MAP4: variants seen among roughly 807,000 people sequenced by gnomAD.
MAP4 encodes microtubule associated protein 4, also known as microtubule-associated protein 4.
MAP4 carries 76 observed loss-of-function variants against 170.2 expected under a neutral mutation model. That is an observed-to-expected ratio of 0.45 (90% confidence interval 0.37 to 0.54). The LOEUF (loss-of-function observed/expected upper bound fraction) is 0.54. MAP4 is among the 20% of genes least tolerant of loss of function. The pLI, the probability that MAP4 is intolerant of heterozygous loss-of-function variation, is 0.00. For synonymous variants in MAP4, 909 were observed against 994.5 expected (o/e 0.91, Z 1.62); for missense variants, 2,506 against 2,748.0 (o/e 0.91, Z 1.97).
At chr3:47,941,825 C>G (rs1288238653) in intron 3 of MAP4, among the ~76,000 whole-genome samples, 1 of 150,356 alleles carries the variant, frequency 6.7e-6, no homozygotes, top group African/African-American at 2.4e-5. Flanking sequence ...TACCACTGTT[C>G]TTACTAATCT....
chr3:48,006,606 CA>C (rs1392150374), intron 1 of MAP4, among the ~76,000 whole-genome samples: 1 of 152,110 alleles, frequency 6.6e-6, no homozygotes, highest in Non-Finnish European at 1.5e-5. Context: ...TGGGAAAGGC[CA>C]AATAGAAGCC....
Position 47,910,403 on chromosome 3 carries a change from C to A in MAP4, c.4018G>T (p.Val1340Leu). The A allele has an allele frequency of 6.5e-7, 1 of 1,536,734 alleles. No homozygotes were observed. Among genetic ancestry groups the A allele is most frequent in the African/African-American group, 1.4e-5 (1 of 73,156 alleles). The change falls in exon 9 of 21, where the codon GTA becomes TTA. Residue 1340 changes from valine to leucine, a missense_variant. Val to Leu is a conservative substitution (Grantham distance 32). This residue lies in a region of MAP4 where 2,008 missense variants were observed against 2,206.0 expected (regional missense o/e 0.91). Coordinates refer to ENST00000683076, the MANE Select transcript of MAP4 (RefSeq NM_001385682.1). ...IQGAGFVPSV[V>L]SEENKTDAAN... ...GCATCTGTCTTATTCTCCTCAGATACTACTGAAGGAACAAATCCTGCCCCC... is the reference window on the plus strand; with the variant it reads ...GCATCTGTCTTATTCTCCTCAGATAATACTGAAGGAACAAATCCTGCCCCC...
intron 3 of MAP4, among the ~76,000 whole-genome samples, chr3:47,957,075 G>C (rs1408869596): frequency 6.6e-6 from 1 of 152,102 alleles, no homozygotes; most frequent in Non-Finnish European, 1.5e-5. Flanking sequence ...ATACAGATTT[G>C]CCTTCTCTGC....
At chr3:47,864,273 A>G (rs1254424368) in intron 17 of MAP4, among the ~76,000 whole-genome samples, 4 of 152,192 alleles carry the variant, frequency 2.6e-5, no homozygotes, top group Non-Finnish European at 5.9e-5. Context: ...TGGGCGCAGT[A>G]GCTCTTGCTA....
In MAP4 at chr3:47,871,212, C is replaced by A; in HGVS notation, c.6001+15G>T. Reference sequence around the variant, plus strand: ...TTCAAGTTAGGGCTCTACAAAATGGCGGATGGGCTATTACCTGGTACAGAC... The same window carrying A: ...TTCAAGTTAGGGCTCTACAAAATGGAGGATGGGCTATTACCTGGTACAGAC... On this transcript the variant is annotated intron_variant, in intron 14 of 20. Transcript: ENST00000683076. 6.2e-7 allele frequency: 1 copy of A among 1,614,068 alleles called. No individual in the cohort carries two copies. Among genetic ancestry groups the A allele is most frequent in the Non-Finnish European group, 8.5e-7 (1 of 1,179,942 alleles).
intron 1 of MAP4, among the ~76,000 whole-genome samples, chr3:48,031,932 G>T (rs968596369): frequency 6.6e-6 from 1 of 152,032 alleles, no homozygotes; most frequent in Non-Finnish European, 1.5e-5. Context: ...ATGCTGACAT[G>T]ATTTGATAGT....
chr3:47,881,700 C>T (rs1406106137), intron 10 of MAP4, among the ~76,000 whole-genome samples: 3 of 151,028 alleles, frequency 2.0e-5, no homozygotes, highest in Admixed American at 6.6e-5. Context: ...TCTACCTCCT[C>T]GGTTCAAGTG....
chr3:47,924,960 G>A (rs540436176), intron 4 of MAP4, among the ~76,000 whole-genome samples: 2 of 152,062 alleles, frequency 1.3e-5, no homozygotes, highest in South Asian at 2.1e-4. Context: ...ACAGGCATCC[G>A]CCACCACACC....
chr3:47,874,856 A>ACAAATGTGACCAGTTTCTGGGC (rs2094739222), intron 12 of MAP4, among the ~76,000 whole-genome samples: 1 of 152,188 alleles, frequency 6.6e-6, no homozygotes, highest in African/African-American at 2.4e-5. Context: ...TTAAATTAAA[A>ACAAATGTGACCAGTTTCTGGGC]ACTGACATTT....
intron 1 of MAP4, among the ~76,000 whole-genome samples, chr3:48,026,648 T>C (rs991903199): frequency 1.1e-4 from 17 of 152,188 alleles, no homozygotes; most frequent in African/African-American, 3.6e-4. Context: ...ATAAATCTTA[T>C]CTCAAATTAA....
intron 1 of MAP4, among the ~76,000 whole-genome samples, chr3:48,076,435 G>C (rs1176216778): frequency 2.0e-5 from 3 of 151,676 alleles, no homozygotes; most frequent in Non-Finnish European, 4.4e-5. Context: ...CCGGGAGGTG[G>C]AGCTTACAGT....
chr3:47,951,125 TC>T (rs1434361464), intron 3 of MAP4, among the ~76,000 whole-genome samples: 1 of 152,228 alleles, frequency 6.6e-6, no homozygotes, highest in Non-Finnish European at 1.5e-5. Context: ...AAAATTACAT[TC>T]TTTTGACTCT....
At chr3:47,991,567 C>G (rs978520477) in intron 2 of MAP4, among the ~76,000 whole-genome samples, 1 of 152,106 alleles carries the variant, frequency 6.6e-6, no homozygotes, top group Admixed American at 6.6e-5. Flanking sequence ...GAGCCTGAGG[C>G]AGGAGGAACG....
chr3:48,022,475 A>AT (rs747332279), intron 1 of MAP4, among the ~76,000 whole-genome samples: 64 of 152,184 alleles, frequency 4.2e-4, no homozygotes, highest in Non-Finnish European at 7.8e-4. Context: ...ACACTAAATG[A>AT]TTTTTTTTAA....
chr3:47,985,096 G>A lies in MAP4; in HGVS notation c.224-7163C>T, dbSNP rs550746266. ...GGAGTTTGAGACCAGCCTGGCCAACGTGGTGAAACCCCATCTCTACCAAAA... is the reference window on the plus strand; with the variant it reads ...GGAGTTTGAGACCAGCCTGGCCAACATGGTGAAACCCCATCTCTACCAAAA... On this transcript the variant is annotated intron_variant, in intron 2 of 20. Coordinates refer to ENST00000683076, the MANE Select transcript of MAP4 (RefSeq NM_001385682.1). 1.8e-3 allele frequency among the ~76,000 whole-genome samples: 268 copies of A among 151,624 alleles called. No homozygotes were observed. In the Middle Eastern group the frequency reaches 0.034, roughly 19 times the overall value.
At chr3:47,939,561 A>C (rs771655252) in intron 3 of MAP4, among the ~76,000 whole-genome samples, 1 of 152,188 alleles carries the variant, frequency 6.6e-6, no homozygotes, top group Non-Finnish European at 1.5e-5. Context: ...TATAAAGAGC[A>C]TAAGGTTGGT....
intron 6 of MAP4, 128 bp downstream of exon 6, chr3:47,918,591 G>A (rs2100041016): frequency 7.3e-6 from 5 of 682,238 alleles, no homozygotes; most frequent in Non-Finnish European, 1.3e-5. Flanking sequence ...ACTAATATAA[G>A]CAAAACATTT....
chr3:48,017,954 C>A (rs978930780), upstream of MAP4, among the ~76,000 whole-genome samples: 6 of 152,186 alleles, frequency 3.9e-5, no homozygotes, highest in African/African-American at 1.4e-4. Context: ...GAAACTCTTC[C>A]ACCTCCGATC....
At chr3:48,026,864 G>A (rs1394376646) in intron 1 of MAP4, among the ~76,000 whole-genome samples, 2 of 152,128 alleles carry the variant, frequency 1.3e-5, no homozygotes, top group African/African-American at 2.4e-5. Context: ...AGAAAATACT[G>A]TCACTGTCAG....
Sources: gnomAD v4.1 joint callset for allele counts (sites outside exome capture counted in the v4.1 genomes callset) on GRCh38, gnomAD v4.1.1 for gene constraint, gnomAD v4.1.1 regional missense constraint, MANE v1.5 for transcripts, NCBI Gene and HGNC (gene_info 2026-07-23, HGNC 2026-07-21) for gene names.